GPC5: variants seen among roughly 807,000 people sequenced by gnomAD.
GPC5 encodes the protein glypican-5.
In GPC5, 47 loss-of-function variants were observed where a neutral mutation model predicts 53.9. The observed-to-expected ratio is 0.87, with a 90% CI of 0.69 to 1.11. The LOEUF is 1.11. Ranked by LOEUF, GPC5 falls within the 50% of genes most tolerant of loss-of-function variation. The pLI is 0.00. For synonymous variants in GPC5, 286 were observed against 263.3 expected, an observed-to-expected ratio of 1.09 and a Z score of -0.84; for missense variants, 748 against 713.1, an observed-to-expected ratio of 1.05 and a Z score of -0.56.
chr13:91,816,878 G>T (rs554731691), intron 5 of GPC5, among the ~76,000 whole-genome samples: 1 of 152,232 alleles, frequency 6.6e-6, no homozygotes, highest in East Asian at 1.9e-4. Flanking sequence ...TTGGTAAATT[G>T]ATTAACCTGG....
At chr13:92,343,806 A>T (rs1021727318) in intron 7 of GPC5, among the ~76,000 whole-genome samples, 1 of 152,124 alleles carries the variant, frequency 6.6e-6, no homozygotes, top group African/African-American at 2.4e-5. Flanking sequence ...ATATTCTGTT[A>T]AAACCTATTA....
chr13:92,609,796 G>A (rs1456043778), intron 7 of GPC5, among the ~76,000 whole-genome samples: 1 of 152,020 alleles, frequency 6.6e-6, no homozygotes, highest in African/African-American at 2.4e-5. Context: ...CTTTTGGGAG[G>A]CCCAGGTGGG....
At chr13:91,594,985 C>CATTTATTTATTTATTT (rs60740693) in intron 2 of GPC5, among the ~76,000 whole-genome samples, 1 of 137,526 alleles carries the variant, frequency 7.3e-6, no homozygotes, top group Non-Finnish European at 1.5e-5. Context: ...TTTTTATTTA[C>CATTTATTTATTTATTT]ATTTATTTAT....
chr13:91,906,356 C>T (rs778728516), intron 5 of GPC5, among the ~76,000 whole-genome samples: 3 of 152,050 alleles, frequency 2.0e-5, no homozygotes, highest in Non-Finnish European at 4.4e-5. Context: ...TCTAAGTCCA[C>T]GTGGATTTCT....
intron 7 of GPC5, among the ~76,000 whole-genome samples, chr13:92,800,121 T>A (rs2138785905): frequency 6.6e-6 from 1 of 151,996 alleles, no homozygotes; most frequent in South Asian, 2.1e-4. Context: ...TTGGTTTGCA[T>A]GTTCAAAGCT....
intron 3 of GPC5, among the ~76,000 whole-genome samples, chr13:91,704,798 C>A (rs773604768): frequency 6.6e-6 from 1 of 152,196 alleles, no homozygotes. Context: ...CTACCCTAAC[C>A]CCTTCCTAAT....
intron 7 of GPC5, among the ~76,000 whole-genome samples, chr13:92,274,002 C>T (rs2139158947): frequency 6.6e-6 from 1 of 152,252 alleles, no homozygotes; most frequent in Admixed American, 6.5e-5. Context: ...TGACTAGTTT[C>T]TTTAACAACT....
intron 7 of GPC5, among the ~76,000 whole-genome samples, chr13:92,527,084 G>A (rs1244257688): frequency 8.7e-6 from 1 of 115,394 alleles, no homozygotes; most frequent in Admixed American, 1.1e-4. Context: ...CCCACAATAT[G>A]AGATTCTGTA....
rs573456238 is a variant in GPC5, at chr13:92,216,840, G to A, written c.1561+71851G>A. ...ACCAAAATACAAAGATTAGCTGGGC[G>A]TGGTGGCGTACACCTGTAATCCCAG... On this transcript the variant is annotated intron_variant, in intron 7 of 7. Transcript: ENST00000377067. Among the ~76,000 whole-genome samples, 7 of 152,192 alleles carry A rather than the reference G, an allele frequency of 4.6e-5. No homozygotes were observed. In the South Asian group the frequency reaches 1.0e-3, roughly 23 times the overall value.
intron 4 of GPC5, among the ~76,000 whole-genome samples, chr13:91,729,563 A>G (rs548785316): frequency 6.6e-6 from 1 of 152,166 alleles, no homozygotes; most frequent in South Asian, 2.1e-4. Flanking sequence ...CTTTTTTGGG[A>G]TAGGACACCT....
intron 7 of GPC5, among the ~76,000 whole-genome samples, chr13:92,772,275 C>T (rs1267373693): frequency 6.6e-6 from 1 of 152,128 alleles, no homozygotes; most frequent in Non-Finnish European, 1.5e-5. Flanking sequence ...TAATCCTCTA[C>T]TCAGAAATTT....
intron 7 of GPC5, among the ~76,000 whole-genome samples, chr13:92,399,469 TA>T (rs980214705): frequency 5.3e-5 from 8 of 152,056 alleles, no homozygotes; most frequent in East Asian, 1.9e-4. Flanking sequence ...ATTCCTCAAG[TA>T]AAAGCTCAAT....
chr13:92,662,292 T>C (rs915405695), intron 7 of GPC5, among the ~76,000 whole-genome samples: 15 of 152,206 alleles, frequency 9.9e-5, no homozygotes, highest in Admixed American at 2.0e-4. Flanking sequence ...AAATTTTCAA[T>C]TGCAATATGA....
At chr13:91,641,143 C>T (rs1349694858) in intron 2 of GPC5, among the ~76,000 whole-genome samples, 9 of 152,044 alleles carry the variant, frequency 5.9e-5, no homozygotes, top group African/African-American at 1.9e-4. Context: ...CTGGCTAACA[C>T]GGTGAAACGC....
chr13:92,467,355 T>C (rs1878737817), intron 7 of GPC5, among the ~76,000 whole-genome samples: 1 of 152,130 alleles, frequency 6.6e-6, no homozygotes, highest in South Asian at 2.1e-4. Flanking sequence ...ACTGGAAATC[T>C]AAAGTGCATT....
intron 6 of GPC5, among the ~76,000 whole-genome samples, chr13:91,921,541 C>A (rs569090345): frequency 1.3e-5 from 2 of 152,114 alleles, no homozygotes; most frequent in South Asian, 4.2e-4. Context: ...GATACTATGA[C>A]AATTATAAAT....
intron 7 of GPC5, among the ~76,000 whole-genome samples, chr13:92,170,487 G>A (rs1200488753): frequency 7.6e-6 from 1 of 131,126 alleles, no homozygotes; most frequent in Non-Finnish European, 1.5e-5. Flanking sequence ...GTGTAGTGGT[G>A]TGATCTTGGC....
At chr13:92,391,080 A>G (rs1874979946) in intron 7 of GPC5, among the ~76,000 whole-genome samples, 1 of 152,140 alleles carries the variant, frequency 6.6e-6, no homozygotes, top group South Asian at 2.1e-4. Context: ...CTTTGTATAA[A>G]CAAGATTATT....
At chr13:92,697,804 C>T (rs190306439) in intron 7 of GPC5, among the ~76,000 whole-genome samples, 1 of 152,124 alleles carries the variant, frequency 6.6e-6, no homozygotes, top group African/African-American at 2.4e-5. Context: ...CCAGTTTTTG[C>T]CCATTCAGTA....
Sources: gnomAD v4.1 joint callset for allele counts (sites outside exome capture counted in the v4.1 genomes callset) on GRCh38, gnomAD v4.1.1 for gene constraint, MANE v1.5 for transcripts, NCBI Gene and HGNC (gene_info 2026-07-23, HGNC 2026-07-21) for gene names.